The following GPBP1 variants were observed in gnomAD, a reference collection of about 807,000 sequenced individuals.
The protein encoded by GPBP1 is GC-rich promoter binding protein 1.
GPBP1 carries 13 observed loss-of-function variants against 56.5 expected under a neutral mutation model. That is an observed-to-expected ratio of 0.23 (90% CI 0.15 to 0.37). The LOEUF is 0.37. GPBP1 is among the 10% of genes least tolerant of loss of function. The pLI is 1.00. For missense variants in GPBP1, 477 were observed against 572.3 expected (o/e 0.83, Z 1.70); for synonymous variants, 204 against 188.9 (o/e 1.08, Z -0.66).
chr5:57,252,715 ATTTTTTTT>A (rs112267138), intron 10 of GPBP1, among the ~76,000 whole-genome samples: 1 of 140,620 alleles, frequency 7.1e-6, no homozygotes, highest in South Asian at 2.3e-4. Context: ...TTTATTGTAA[ATTTTTTTT>A]TTTTTTTTGA....
intron 10 of GPBP1, among the ~76,000 whole-genome samples, chr5:57,255,200 C>T (rs368303211): frequency 8.3e-6 from 1 of 120,692 alleles, no homozygotes; most frequent in African/African-American, 3.2e-5. Context: ...TCTCTTCTCT[C>T]CCCTTCTCTT....
At chr5:57,222,678 T>C (rs763334073) in intron 3 of GPBP1, among the ~76,000 whole-genome samples, 1 of 152,232 alleles carries the variant, frequency 6.6e-6, no homozygotes, top group Non-Finnish European at 1.5e-5. Flanking sequence ...TAGAAATACC[T>C]GGGCATTTCT....
chr5:57,200,478 C>T (rs1363842108), intron 2 of GPBP1, among the ~76,000 whole-genome samples: 8 of 141,796 alleles, frequency 5.6e-5, no homozygotes, highest in African/African-American at 2.1e-4. Flanking sequence ...AGTGATTCTT[C>T]TGCCTCAGCC....
intron 3 of GPBP1, among the ~76,000 whole-genome samples, chr5:57,229,700 A>G (rs1426944439): frequency 1.5e-5 from 2 of 137,926 alleles, no homozygotes; most frequent in Non-Finnish European, 3.2e-5. Flanking sequence ...ACACATGGCT[A>G]ATTTTGTATT....
intron 10 of GPBP1, among the ~76,000 whole-genome samples, chr5:57,258,074 C>G (rs1741741091): frequency 6.6e-6 from 1 of 152,124 alleles, no homozygotes. Context: ...GTGACCATGG[C>G]ACAAACACAG....
At chr5:57,252,870 T>A (rs1741460469) in intron 10 of GPBP1, among the ~76,000 whole-genome samples, 1 of 151,982 alleles carries the variant, frequency 6.6e-6, no homozygotes, top group Non-Finnish European at 1.5e-5. Context: ...CCACCATGCC[T>A]GGCTAATTTT....
rs1230344746 is a variant in GPBP1, at chr5:57,219,114, G to A, written c.63+4921G>A. Among the ~76,000 whole-genome samples, 4 of 151,972 alleles carry A rather than the reference G, an allele frequency of 2.6e-5. No individual in the cohort carries two copies. In the East Asian group the frequency reaches 5.8e-4, roughly 22 times the overall value. On this transcript the variant is annotated intron_variant, in intron 3 of 11. Coordinates refer to ENST00000506184, the MANE Select transcript of GPBP1 (RefSeq NM_022913.4). Reference sequence around the variant, plus strand: ...TTTGAGGCCGGGCGTGGTGACTCACGTCTGTAATCCCAGCACTTTAGGAGG... The same window carrying A: ...TTTGAGGCCGGGCGTGGTGACTCACATCTGTAATCCCAGCACTTTAGGAGG...
chr5:57,244,727 ATTT>A (rs532660984), intron 6 of GPBP1, among the ~76,000 whole-genome samples: 4 of 93,148 alleles, frequency 4.3e-5, no homozygotes, highest in Non-Finnish European at 6.0e-5. Context: ...TTTGTTTGAG[ATTT>A]TTTTTTTTTT....
intron 2 of GPBP1, among the ~76,000 whole-genome samples, chr5:57,211,024 A>G (rs191395105): frequency 1.3e-3 from 196 of 152,348 alleles, no homozygotes; most frequent in African/African-American, 3.9e-3. Flanking sequence ...AGTTCAACCC[A>G]TAACATACAC....
chr5:57,232,234 G>A (rs541431226), intron 5 of GPBP1, among the ~76,000 whole-genome samples: 16 of 152,180 alleles, frequency 1.1e-4, no homozygotes, highest in African/African-American at 3.1e-4. Flanking sequence ...GCAATCCTCC[G>A]ACCTCGGCCT....
chr5:57,249,344 T>G (rs2111933152), intron 8 of GPBP1, 65 bp from the exon 9 acceptor site: 2 of 1,260,454 alleles, frequency 1.6e-6, no homozygotes, highest in Admixed American at 4.7e-5. Flanking sequence ...GTGGTAGTAG[T>G]GAATTTTATG....
Position 57,250,957 on chromosome 5 carries a change from G to A in GPBP1, c.976G>A (p.Asp326Asn). 6.6e-7 allele frequency: 1 copy of A among 1,521,944 alleles called. No homozygotes were observed. Among genetic ancestry groups the A allele is most frequent in the Non-Finnish European group, 8.9e-7 (1 of 1,119,914 alleles). 94.3% of individuals were successfully genotyped at this position (1,521,944 alleles called of 1,614,324 possible). ...TTTTTAACTCTCTAAAAATCAGGATGACGACTCATTTAATTTACATAACAG... is the reference window on the plus strand; with the variant it reads ...TTTTTAACTCTCTAAAAATCAGGATAACGACTCATTTAATTTACATAACAG... ...DESRAGSEKD[D>N]DSFNLHNSNS... Residue 326 changes from aspartate (D) to asparagine (N), a missense_variant, in exon 10 of 12, where the codon GAC becomes AAC. Physicochemically the swap from Asp to Asn is conservative, Grantham distance 23. Coordinates refer to ENST00000506184, the MANE Select transcript of GPBP1 (RefSeq NM_022913.4).
chr5:57,203,287 A>C (rs1755095682), intron 2 of GPBP1, among the ~76,000 whole-genome samples: 2 of 151,998 alleles, frequency 1.3e-5, no homozygotes, highest in African/African-American at 2.4e-5. Flanking sequence ...TAATTTAACA[A>C]ATAGAGTAAT....
chr5:57,182,579 G>T (rs939179604), intron 2 of GPBP1, among the ~76,000 whole-genome samples: 3 of 149,874 alleles, frequency 2.0e-5, no homozygotes, highest in Non-Finnish European at 3.0e-5. Context: ...CACCATGTTG[G>T]CCAGGCTGGT....
chr5:57,179,333 T>G (rs1753935983), intron 2 of GPBP1, among the ~76,000 whole-genome samples: 1 of 151,932 alleles, frequency 6.6e-6, no homozygotes, highest in Admixed American at 6.6e-5. Flanking sequence ...GGTGATACCT[T>G]TGGTTAGCTA....
At chr5:57,235,299 G>A (rs1387207798) in intron 5 of GPBP1, among the ~76,000 whole-genome samples, 1 of 150,898 alleles carries the variant, frequency 6.6e-6, no homozygotes, top group African/African-American at 2.4e-5. Flanking sequence ...GAGCAAGACT[G>A]CATTTCAAAA....
chr5:57,202,134 C>A lies in GPBP1; in HGVS notation c.-57-11940C>A, dbSNP rs371570629. On this transcript the variant is annotated intron_variant, in intron 2 of 11. Transcript: ENST00000506184. ...TCAGCCTTCCTAGTAGCTGGGACTA[C>A]GGGTGCATGCCACTACGCTCGGCTA... Among the ~76,000 whole-genome samples, 106 of 152,214 alleles carry A rather than the reference C, an allele frequency of 7.0e-4. 1 individual carries two copies. Among genetic ancestry groups the A allele is most frequent in the African/African-American group, 2.6e-3 (106 of 41,532 alleles).
chr5:57,226,729 CTTTTTTTTTT>C (rs70999067), intron 3 of GPBP1, among the ~76,000 whole-genome samples: 9,976 of 77,176 alleles, frequency 0.13, 587 homozygotes, highest in East Asian at 0.34. Context: ...TTTTTGTATT[CTTTTTTTTTT>C]TTTTTTTTTT....
rs562858872 is a variant in GPBP1, at chr5:57,247,614, T to C, written c.804+399T>C. 4.5e-3 allele frequency among the ~76,000 whole-genome samples: 686 copies of C among 152,220 alleles called. 3 individuals are homozygous for C. The highest frequency in any genetic ancestry group is 8.0e-3 in the Non-Finnish European group (541 of 68,002). ...TGGGAGGAACACCTGAGCCTGGGAA[T>C]GTCAAGGCTGCAGCAAGCTGTGATT... On this transcript the variant is annotated intron_variant, in intron 8 of 11. Transcript: ENST00000506184.
Sources: allele counts gnomAD v4.1 joint callset (sites outside exome capture counted in the v4.1 genomes callset), GRCh38; gene constraint gnomAD v4.1.1; transcripts MANE v1.5; gene names NCBI Gene and HGNC (gene_info 2026-07-23, HGNC 2026-07-21).